Variants in TMEM132A observed in about 807,000 individuals in gnomAD.
TMEM132A encodes GRP78-binding protein.
A neutral mutation model predicts 69.9 loss-of-function variants in TMEM132A; 48 were observed. The ratio of observed to expected loss-of-function variants is 0.69; its 90% confidence interval spans 0.55 to 0.87. The LOEUF is 0.87. Among genes scored for constraint, TMEM132A ranks in the 40% least tolerant of loss-of-function variants. The probability of loss-of-function intolerance (pLI) is 0.00; values close to 1 mark genes in which losing one functional copy is unlikely to be tolerated. For missense variants in TMEM132A, 1,287 were observed against 1,407.2 expected, an observed-to-expected ratio of 0.91 and a Z score of 1.37; for synonymous variants, 577 against 613.7, an observed-to-expected ratio of 0.94 and a Z score of 0.88.
At chr11:60,933,329 T>C (rs1209569344) in intron 7 of TMEM132A, 1 of 577,644 alleles carries the variant, frequency 1.7e-6, no homozygotes, top group Admixed American at 3.0e-5. Flanking sequence ...ACTACAGGCA[T>C]GTGCCACCAC....
chr11:60,928,869 C>T lies in TMEM132A; in HGVS notation c.775C>T (p.Arg259Trp), dbSNP rs762987035. Residue 259 changes from arginine to tryptophan, a missense_variant, in exon 4 of 11, where the codon CGG becomes TGG. Coordinates refer to ENST00000453848, the MANE Select transcript of TMEM132A (RefSeq NM_178031.3). Reference protein sequence around the residue: ...EVPLDEAVTLRVPDMPVRPGQ... With the variant: ...EVPLDEAVTLWVPDMPVRPGQ... ...ACCTCTGGACGAGGCTGTGACTCTG[C>T]GGGTGCCTGACATGCCAGTGCGGCC... 4.7e-5 allele frequency: 76 copies of T among 1,612,628 alleles called. 1 individual carries two copies. The highest frequency in any genetic ancestry group is 5.5e-5 in the Non-Finnish European group (65 of 1,180,034).
In TMEM132A at chr11:60,935,285, G is replaced by C; in HGVS notation, c.1870G>C (p.Glu624Gln). The change falls in exon 10 of 11, where the codon GAG (glutamate) becomes CAG (glutamine). Residue 624 changes from glutamate to glutamine, a missense_variant. By Grantham distance (29) the Glu-to-Gln change is conservative. Transcript: ENST00000453848. This position sits in a 1 kb window ranked among gnomAD's most constrained non-coding sequence, Gnocchi z 5.0. Reference sequence around the variant, plus strand: ...CCCACTGTCTGACTCCATCCTGGGGGAGCAGGCGCTGGCTGTGACGGACGA... The same window carrying C: ...CCCACTGTCTGACTCCATCCTGGGGCAGCAGGCGCTGGCTGTGACGGACGA... ...RSPLSDSILG[E>Q]QALAVTDDKV... The C allele has an allele frequency of 6.2e-7, 1 of 1,612,342 alleles. No individual in the cohort carries two copies. Among genetic ancestry groups the C allele is most frequent in the South Asian group, 1.1e-5 (1 of 90,676 alleles).
At position 60,931,721 on chromosome 11, in the gene TMEM132A, A is replaced by G. The variant is rs758458528; in HGVS notation, c.1049A>G (p.Asp350Gly). ...GAACTGTCTGAGTTCCTATGGGTGGACTTTGTGGTGGAGAATAGCACTGGT... is the reference window on the plus strand; with the variant it reads ...GAACTGTCTGAGTTCCTATGGGTGGGCTTTGTGGTGGAGAATAGCACTGGT... ...PLELSEFLWVDFVVENSTGGG... is the reference protein window; with the variant it reads ...PLELSEFLWVGFVVENSTGGG... The change falls in exon 6 of 11, where the codon GAC becomes GGC. Residue 350 changes from aspartate to glycine, a missense_variant. Physicochemically the swap from Asp to Gly is moderately conservative, Grantham distance 94. Transcript: ENST00000453848. The G allele has an allele frequency of 1.2e-6, 2 of 1,613,940 alleles. No homozygotes were observed. The highest frequency in any genetic ancestry group is 2.2e-5 in the South Asian group (2 of 91,072).
At position 60,935,724 on chromosome 11, in the gene TMEM132A, T is replaced by A. The variant is rs1856579259; in HGVS notation, c.2029-140T>A. ...AGGTGATTGACACGCGTCCCCTCTC[T>A]CCCTGTGTTTTGTCTATCTGCCTGT... On this transcript the variant is annotated intron_variant, in intron 10 of 10. Transcript: ENST00000453848. This position sits in a 1 kb window ranked among gnomAD's most constrained non-coding sequence, Gnocchi z 5.0. The A allele has an allele frequency of 9.6e-7, 1 of 1,043,820 alleles. No homozygotes were observed. Among genetic ancestry groups the A allele is most frequent in the African/African-American group, 1.6e-5 (1 of 62,528 alleles). The allele number at this position is 1,043,820 out of a possible 1,614,324, so 64.7% of individuals were successfully genotyped here. A position where few individuals can be genotyped will look rare whatever the true frequency, so the allele number is the denominator to read the frequency against.
In TMEM132A at chr11:60,936,911, T is replaced by C; in HGVS notation, c.*4T>C. ...GAGGATCCGGGGCAGCTCCTGACCC[T>C]CCACAGCCACCTGGTCAGCCACCAG... On this transcript the variant is annotated 3_prime_UTR_variant, in exon 11 of 11. Transcript: ENST00000453848. The C allele has an allele frequency of 6.6e-7, 1 of 1,522,194 alleles. No homozygotes were observed. The highest frequency in any genetic ancestry group is 8.8e-7 in the Non-Finnish European group (1 of 1,134,566). 94.3% of individuals were successfully genotyped at this position (1,522,194 alleles called of 1,614,324 possible).
Position 60,937,074 on chromosome 11 carries a change from T to C in TMEM132A, c.*167T>C. 1 of 1,354,372 alleles carries C rather than the reference T, an allele frequency of 7.4e-7. No individual in the cohort carries two copies. The highest frequency in any genetic ancestry group is 2.5e-5 in the East Asian group (1 of 40,728). The allele number at this position is 1,354,372 out of a possible 1,614,324, so 83.9% of individuals were successfully genotyped here. On this transcript the variant is annotated 3_prime_UTR_variant, in exon 11 of 11. Coordinates refer to ENST00000453848, the MANE Select transcript of TMEM132A (RefSeq NM_178031.3). The stretch of plus-strand genomic sequence containing the variant: ...GCCCCCTCTGCCCTGCCCCTTGTCA[T>C]GGACCATGGTCGTGAGGAAGGGCTC...
rs1856409009 is a variant in TMEM132A, at chr11:60,928,806, G to A, written c.712G>A (p.Glu238Lys). The change falls in exon 4 of 11, where the codon GAG (glutamate) becomes AAG (lysine). Residue 238 changes from glutamate to lysine, a missense_variant. Glu to Lys is a moderately conservative substitution (Grantham distance 56). Coordinates refer to ENST00000453848, the MANE Select transcript of TMEM132A (RefSeq NM_178031.3). ...GEQALPVGGV[E>K]LRPADPPQYQ... ...GCAGGCCCTCCCAGTGGGGGGTGTG[G>A]AGCTGCGCCCAGCAGACCCCCCGCA... is the stretch of plus-strand genomic sequence containing the variant. The A allele has an allele frequency of 1.9e-6, 3 of 1,611,408 alleles. No homozygotes were observed. In the East Asian group the frequency reaches 6.7e-5, roughly 36 times the overall value.
rs1856578473 is a variant in TMEM132A at position 60,935,665 on chromosome 11, C to T, written c.2029-199C>T. The T allele has an allele frequency of 2.6e-6, 2 of 781,778 alleles. No homozygotes were observed. The highest frequency in any genetic ancestry group is 1.8e-5 in the African/African-American group (1 of 57,054). 48.4% of individuals were successfully genotyped at this position (781,778 alleles called of 1,614,324 possible). On this transcript the variant is annotated intron_variant, in intron 10 of 10. Coordinates refer to ENST00000453848, the MANE Select transcript of TMEM132A (RefSeq NM_178031.3). This position sits in a 1 kb window ranked among gnomAD's most constrained non-coding sequence, Gnocchi z 5.0. Reference sequence around the variant, plus strand: ...TAGATGGCTCTAACTGAGGACCCTCCCAATAACTCAGACCCTAGGGCTGAG... The same window carrying T: ...TAGATGGCTCTAACTGAGGACCCTCTCAATAACTCAGACCCTAGGGCTGAG...
chr11:60,934,231 G>A (rs960181182), intron 8 of TMEM132A: 1 of 406,492 alleles, frequency 2.5e-6, no homozygotes, highest in African/African-American at 2.1e-5. Flanking sequence ...GTCCCCGTAA[G>A]AGAGCGTCTC....
At chr11:60,930,887 G>C (rs1482666021) in intron 5 of TMEM132A, among the ~76,000 whole-genome samples, 1 of 152,182 alleles carries the variant, frequency 6.6e-6, no homozygotes, top group Non-Finnish European at 1.5e-5. Flanking sequence ...GCAAGTGTCT[G>C]TGAGTCTTAT....
At chr11:60,929,119 G>A (rs1276863518) in intron 4 of TMEM132A, among the ~76,000 whole-genome samples, 159 bp downstream of exon 4, 1 of 152,214 alleles carries the variant, frequency 6.6e-6, no homozygotes, top group Non-Finnish European at 1.5e-5. Flanking sequence ...CCATGACTGT[G>A]CTGGTAGGAG....
In TMEM132A at chr11:60,936,815, G is replaced by A. The variant is rs878967572; in HGVS notation, c.2980G>A (p.Glu994Lys). 6.2e-7 allele frequency: 1 copy of A among 1,613,294 alleles called. No homozygotes were observed. Among genetic ancestry groups the A allele is most frequent in the Non-Finnish European group, 8.5e-7 (1 of 1,179,634 alleles). The change falls in exon 11 of 11, where the codon GAG (glutamate) becomes AAG (lysine). Residue 994 changes from glutamate to lysine, a missense_variant. Coordinates refer to ENST00000453848, the MANE Select transcript of TMEM132A (RefSeq NM_178031.3). ...TGTGCAGTCCATCCTTGTGGCAGGCGAGGAGGACATCCGCTGGGTGTGTGA... is the reference window on the plus strand; with the variant it reads ...TGTGCAGTCCATCCTTGTGGCAGGCAAGGAGGACATCCGCTGGGTGTGTGA... ...PAVQSILVAG[E>K]EDIRWVCEDM... is the part of the protein sequence containing the mutation.
intron 7 of TMEM132A, chr11:60,932,776 G>A (rs149993567): frequency 6.6e-6 from 1 of 152,358 alleles, no homozygotes; most frequent in African/African-American, 2.4e-5. Context: ...GAAGGGGGAA[G>A]GTGCCTTTCC....
intron 5 of TMEM132A, among the ~76,000 whole-genome samples, chr11:60,930,927 C>T (rs1251649590): frequency 6.6e-6 from 1 of 152,198 alleles, no homozygotes; most frequent in Non-Finnish European, 1.5e-5. Context: ...TCCTGTGCCC[C>T]AGGTAGAGCC....
chr11:60,933,474 C>A, intron 7 of TMEM132A, 68 bp from the exon 8 acceptor site: 1 of 1,381,900 alleles, frequency 7.2e-7, no homozygotes, highest in East Asian at 2.4e-5. Context: ...ATGAGCCACC[C>A]ACCCGGCCCA....
chr11:60,932,987 T>C (rs1856513117), intron 7 of TMEM132A: 1 of 152,296 alleles, frequency 6.6e-6, no homozygotes, highest in South Asian at 2.1e-4. Context: ...TGGTATGCAA[T>C]GGCCAGTTCC....
chr11:60,936,068 C>T lies in TMEM132A; in HGVS notation c.2233C>T (p.Pro745Ser). 6.2e-7 allele frequency: 1 copy of T among 1,607,038 alleles called. No homozygotes were observed. The highest frequency in any genetic ancestry group is 8.5e-7 in the Non-Finnish European group (1 of 1,177,796). Reference protein sequence around the residue: ...GLPLHVALHPPEPCRRGRHRV... With the variant: ...GLPLHVALHPSEPCRRGRHRV... ...GCCGCTGCATGTGGCTCTGCACCCG[C>T]CCGAGCCCTGCCGCCGGGGCCGCCA... is the stretch of plus-strand genomic sequence containing the variant. The change falls in exon 11 of 11, where the codon CCC (proline) becomes TCC (serine). Residue 745 changes from proline to serine, a missense_variant. Pro to Ser is a moderately conservative substitution (Grantham distance 74). Transcript: ENST00000453848.
chr11:60,926,675 C>T (rs1856353219), intron 1 of TMEM132A: 1 of 188,882 alleles, frequency 5.3e-6, no homozygotes, highest in Non-Finnish European at 1.1e-5. Context: ...GCACTCGATA[C>T]CAGTCGGTTC....
intron 8 of TMEM132A, chr11:60,934,286 G>A (rs1165490899): frequency 6.7e-6 from 3 of 450,266 alleles, no homozygotes; most frequent in East Asian, 7.7e-5. Flanking sequence ...GAGGCACAGC[G>A]CCAGTCGGGA....
Sources: gnomAD v4.1 joint callset for allele counts (sites outside exome capture counted in the v4.1 genomes callset) on GRCh38, gnomAD v4.1.1 for gene constraint, Gnocchi (gnomAD v3.1) non-coding constraint, MANE v1.5 for transcripts, NCBI Gene and HGNC (gene_info 2026-07-23, HGNC 2026-07-21) for gene names.